VAV3: variants seen among roughly 807,000 people sequenced by gnomAD.
The protein encoded by VAV3 is guanine nucleotide exchange factor VAV3.
VAV3 carries 94 observed loss-of-function variants against 131.2 expected under a neutral mutation model. The ratio of observed to expected loss-of-function variants is 0.72; its 90% CI spans 0.61 to 0.85. The LOEUF is 0.85. Among genes scored for constraint, VAV3 ranks in the 40% least tolerant of loss-of-function variants. The pLI is 0.00. For missense variants in VAV3, 939 were observed against 1,002.7 expected (o/e 0.94, Z 0.86); for synonymous variants, 349 against 342.0 (o/e 1.02, Z -0.22).
At chr1:107,759,779 A>G (rs968929751) in intron 10 of VAV3, among the ~76,000 whole-genome samples, 1 of 152,148 alleles carries the variant, frequency 6.6e-6, no homozygotes, top group Admixed American at 6.5e-5. Flanking sequence ...ATTTTTTTAA[A>G]AAGCTGTACC....
chr1:107,679,273 T>C (rs886291591), intron 19 of VAV3, among the ~76,000 whole-genome samples: 8 of 152,170 alleles, frequency 5.3e-5, no homozygotes, highest in African/African-American at 1.9e-4. Context: ...TGCAACTCTT[T>C]GTAATCAAGA....
At chr1:107,789,635 C>A (rs1423393595) in intron 2 of VAV3, among the ~76,000 whole-genome samples, 1 of 152,098 alleles carries the variant, frequency 6.6e-6, no homozygotes, top group Non-Finnish European at 1.5e-5. Flanking sequence ...TAAATGAATT[C>A]ATGATGTAAG....
rs147671894 is a variant in VAV3, at chr1:107,604,795, C to T, written c.2016-1632G>A. 5.0e-3 allele frequency among the ~76,000 whole-genome samples: 760 copies of T among 152,246 alleles called. 7 individuals are homozygous for T. Among genetic ancestry groups the T allele is most frequent in the African/African-American group, 0.017 (710 of 41,544 alleles). The stretch of plus-strand genomic sequence containing the variant: ...TATGCATTAATATAGTTTTAAAAGT[C>T]CATTCACATTATAATAATGAAAAAG... On this transcript the variant is annotated intron_variant, in intron 22 of 26. Coordinates refer to ENST00000370056, the MANE Select transcript of VAV3 (RefSeq NM_006113.5).
At chr1:107,577,294 C>T (rs372556560) in intron 25 of VAV3, among the ~76,000 whole-genome samples, 11 of 152,306 alleles carry the variant, frequency 7.2e-5, no homozygotes, top group African/African-American at 2.2e-4. Flanking sequence ...CTGCTCTTAG[C>T]GACTGCTGCA....
chr1:107,807,429 C>T (rs1667109530), intron 2 of VAV3, among the ~76,000 whole-genome samples: 1 of 152,168 alleles, frequency 6.6e-6, no homozygotes. Flanking sequence ...GGAAACAGGA[C>T]TTTTAGAGAT....
At chr1:107,786,853 C>G (rs773245251) in intron 2 of VAV3, among the ~76,000 whole-genome samples, 1 of 152,136 alleles carries the variant, frequency 6.6e-6, no homozygotes, top group African/African-American at 2.4e-5. Flanking sequence ...ACCCAGGCCC[C>G]ACAACTCTAT....
intron 20 of VAV3, among the ~76,000 whole-genome samples, chr1:107,635,566 C>G (rs1421080560): frequency 6.6e-6 from 1 of 152,044 alleles, no homozygotes; most frequent in Non-Finnish European, 1.5e-5. Flanking sequence ...CACATGTATA[C>G]ATATGTAACA....
chr1:107,791,847 A>G (rs1000018893), intron 2 of VAV3, among the ~76,000 whole-genome samples: 11 of 152,196 alleles, frequency 7.2e-5, no homozygotes, highest in African/African-American at 2.4e-4. Flanking sequence ...GTATTATATA[A>G]TCTCACAAAA....
At chr1:107,926,400 G>T (rs1224766223) in intron 1 of VAV3, among the ~76,000 whole-genome samples, 2 of 152,196 alleles carry the variant, frequency 1.3e-5, no homozygotes, top group Non-Finnish European at 2.9e-5. Context: ...TGGTGGAATA[G>T]AAGGCTACAC....
chr1:107,959,509 G>A (rs1674978746), intron 1 of VAV3, among the ~76,000 whole-genome samples: 1 of 152,096 alleles, frequency 6.6e-6, no homozygotes, highest in South Asian at 2.1e-4. Flanking sequence ...TATTTCACTT[G>A]ATCAGCAGCA....
At chr1:107,934,701 A>C (rs905782277) in intron 1 of VAV3, among the ~76,000 whole-genome samples, 3 of 152,248 alleles carry the variant, frequency 2.0e-5, no homozygotes, top group African/African-American at 7.2e-5. Context: ...AAAATAAGTT[A>C]TGATGAAAAC....
chr1:107,924,363 C>T (rs907380185), intron 1 of VAV3, among the ~76,000 whole-genome samples: 11 of 147,074 alleles, frequency 7.5e-5, no homozygotes, highest in African/African-American at 2.8e-4. Flanking sequence ...AGCTTGATAA[C>T]AAATTTTACC....
At chr1:107,961,263 A>G (rs891325362) in intron 1 of VAV3, among the ~76,000 whole-genome samples, 1 of 152,312 alleles carries the variant, frequency 6.6e-6, no homozygotes, top group African/African-American at 2.4e-5. Flanking sequence ...ACTCTCATTC[A>G]TGATAGATCT....
At chr1:107,682,492 C>A (rs1383235672) in intron 19 of VAV3, among the ~76,000 whole-genome samples, 2 of 151,898 alleles carry the variant, frequency 1.3e-5, no homozygotes, top group African/African-American at 2.4e-5. Context: ...TAAACCAGAA[C>A]CCCTGTTTTT....
At chr1:107,900,547 C>T (rs1003253542) in intron 1 of VAV3, among the ~76,000 whole-genome samples, 4 of 152,156 alleles carry the variant, frequency 2.6e-5, no homozygotes, top group Non-Finnish European at 4.4e-5. Flanking sequence ...ATTCAATCCA[C>T]TAAATCTGCT....
intron 2 of VAV3, among the ~76,000 whole-genome samples, chr1:107,796,141 A>G (rs1264071073): frequency 5.3e-5 from 8 of 152,128 alleles, no homozygotes; most frequent in Admixed American, 5.2e-4. Flanking sequence ...CTGCTTTGCC[A>G]ATGTGACTGC....
intron 1 of VAV3, chr1:107,963,369 G>T (rs173185): frequency 0.95 from 144,999 of 152,284 alleles, 69,401 homozygotes; most frequent in East Asian, 1. Flanking sequence ...AAGGGGTACC[G>T]AGAGGTAGCA....
At chr1:107,685,429 G>A (rs1396981579) in intron 18 of VAV3, among the ~76,000 whole-genome samples, 1 of 152,230 alleles carries the variant, frequency 6.6e-6, no homozygotes, top group Non-Finnish European at 1.5e-5. Context: ...CACATGGTAA[G>A]GATTATTAAG....
intron 26 of VAV3, 58 bp downstream of exon 26, chr1:107,573,989 A>G: frequency 6.3e-7 from 1 of 1,591,520 alleles, no homozygotes. Context: ...AATGGGTGCA[A>G]ACAACTGCTC....
Sources: gnomAD v4.1 joint callset for allele counts (sites outside exome capture counted in the v4.1 genomes callset) on GRCh38, gnomAD v4.1.1 for gene constraint, MANE v1.5 for transcripts, NCBI Gene and HGNC (gene_info 2026-07-23, HGNC 2026-07-21) for gene names.